The following CCDC88C variants were observed in gnomAD, a reference collection of about 807,000 sequenced individuals.
CCDC88C encodes coiled-coil and HOOK domain protein 88C.
A neutral mutation model predicts 198.8 loss-of-function variants in CCDC88C; 131 were observed. The ratio of observed to expected loss-of-function variants is 0.66; its 90% CI spans 0.57 to 0.76. The LOEUF is 0.76. CCDC88C is among the 30% of genes least tolerant of loss of function. The pLI, the probability that CCDC88C is intolerant of heterozygous loss-of-function variation, is 0.00. For synonymous variants in CCDC88C, 1,166 were observed against 1,114.7 expected, an observed-to-expected ratio of 1.05 and a Z score of -0.92; for missense variants, 2,553 against 2,631.6, an observed-to-expected ratio of 0.97 and a Z score of 0.65.
At position 91,381,833 on chromosome 14, in the gene CCDC88C, A is replaced by AAAC. The variant is rs10657581; in HGVS notation, c.271-22125_271-22123dup. ...AGCAAGACTCTGTCTCGAAAAACAA[A>AAAC]AACAACAAAAAACCGGCCCTTTCTT... On this transcript the variant is annotated intron_variant, in intron 3 of 29. Transcript: ENST00000389857. The surrounding 1 kb of genome is among the most constrained non-coding windows in gnomAD (Gnocchi z 4.2). Among the ~76,000 whole-genome samples the AAAC allele has an allele frequency of 0.71, 106,709 of 151,336 alleles. 38,101 individuals carry two copies. Among genetic ancestry groups the AAAC allele is most frequent in the Non-Finnish European group, 0.76 (51,686 of 67,798 alleles).
chr14:91,311,375 A>G (rs1891815689), intron 15 of CCDC88C, among the ~76,000 whole-genome samples: 1 of 152,216 alleles, frequency 6.6e-6, no homozygotes, highest in Non-Finnish European at 1.5e-5. Flanking sequence ...AGTGTTCACC[A>G]AACCCATTTC....
At chr14:91,279,583 A>G in intron 27 of CCDC88C, 1 of 309,760 alleles carries the variant, frequency 3.2e-6, no homozygotes, top group Non-Finnish European at 6.0e-6. Context: ...AACTTCACAA[A>G]GGAAATCTCA....
At chr14:91,411,975 AAAGG>A (rs1222529810) in intron 2 of CCDC88C, among the ~76,000 whole-genome samples, 1 of 151,908 alleles carries the variant, frequency 6.6e-6, no homozygotes, top group Non-Finnish European at 1.5e-5. Flanking sequence ...AAAAAAAAAA[AAAGG>A]AAGAAGAAAG....
intron 3 of CCDC88C, among the ~76,000 whole-genome samples, chr14:91,387,868 C>T (rs1885236741): frequency 6.6e-6 from 1 of 152,212 alleles, no homozygotes; most frequent in African/African-American, 2.4e-5. Context: ...TGGGCAGGAT[C>T]AGCAGTGCCC....
chr14:91,288,947 G>A lies in CCDC88C; in HGVS notation c.4441+158C>T. 1 of 602,682 alleles carries A rather than the reference G, an allele frequency of 1.7e-6. No individual in the cohort carries two copies. The highest frequency in any genetic ancestry group is 2.9e-6 in the Non-Finnish European group (1 of 340,524). The allele number at this position is 602,682 out of a possible 1,614,324, so 37.3% of individuals were successfully genotyped here. ...CATTATGGGACAAAACGGTCGCCAC[G>A]CTGAATTTCTACTTGGCTCGTAACA... On this transcript the variant is annotated intron_variant, in intron 25 of 29. Transcript: ENST00000389857. This position sits in a 1 kb window ranked among gnomAD's most constrained non-coding sequence, Gnocchi z 4.2.
intron 3 of CCDC88C, among the ~76,000 whole-genome samples, chr14:91,403,185 G>A (rs1367456532): frequency 6.6e-6 from 1 of 152,202 alleles, no homozygotes; most frequent in East Asian, 1.9e-4. Context: ...GGCGCATGAA[G>A]AAACAGCAAA....
chr14:91,354,174 C>T (rs1893936847), intron 4 of CCDC88C, among the ~76,000 whole-genome samples: 2 of 152,198 alleles, frequency 1.3e-5, no homozygotes, highest in East Asian at 1.9e-4. Flanking sequence ...CTGGAAACCA[C>T]TACTATACTT....
At chr14:91,394,848 G>C (rs1885743776) in intron 3 of CCDC88C, among the ~76,000 whole-genome samples, 1 of 152,180 alleles carries the variant, frequency 6.6e-6, no homozygotes. Flanking sequence ...GAATCAGAGC[G>C]CATTACTCCG....
chr14:91,293,444 C>G (rs1459936242), intron 23 of CCDC88C, among the ~76,000 whole-genome samples: 7 of 74,178 alleles, frequency 9.4e-5, no homozygotes, highest in African/African-American at 2.9e-4. Flanking sequence ...CCGTCCTCAC[C>G]TGCCACGGTC....
At chr14:91,377,703 A>G (rs1366885841) in intron 3 of CCDC88C, among the ~76,000 whole-genome samples, 1 of 152,224 alleles carries the variant, frequency 6.6e-6, no homozygotes, top group Non-Finnish European at 1.5e-5. Context: ...AGACCTTAAA[A>G]ATTGTGACTT....
chr14:91,308,303 A>C, intron 17 of CCDC88C, 48 bp downstream of exon 17: 1 of 1,607,296 alleles, frequency 6.2e-7, no homozygotes. Context: ...GGAAAGGGTG[A>C]GGCTGAGAAT....
chr14:91,394,516 T>C (rs376282728), intron 3 of CCDC88C, among the ~76,000 whole-genome samples: 1 of 152,370 alleles, frequency 6.6e-6, no homozygotes, highest in East Asian at 1.9e-4. Flanking sequence ...AGGCCTGGTG[T>C]GACACCGTGC....
rs746630640 is a variant in CCDC88C, at chr14:91,303,936, C to T, written c.3400G>A (p.Ala1134Thr). ...TLSSQSAALT[A>T]QYTLLQNHHT... ...TGGTTCTGCAGCAGCGTGTACTGCG[C>T]GGTGAGCGCTGCGCTCTGGGAACTC... Residue 1134 changes from alanine (A) to threonine (T), a missense_variant, in exon 20 of 30, where the codon GCG (alanine) becomes ACG (threonine). Physicochemically the swap from Ala to Thr is moderately conservative, Grantham distance 58 (BLOSUM62 0). This residue lies in a region of CCDC88C where 1,293 missense variants were observed against 1,219.6 expected (regional missense o/e 1.06). Coordinates refer to ENST00000389857, the MANE Select transcript of CCDC88C (RefSeq NM_001080414.4). 1.2e-6 allele frequency: 2 copies of T among 1,610,638 alleles called. No homozygotes were observed. The highest frequency in any genetic ancestry group is 1.1e-5 in the South Asian group (1 of 91,084).
intron 4 of CCDC88C, among the ~76,000 whole-genome samples, chr14:91,351,951 G>A (rs142006964): frequency 0.025 from 3,833 of 152,256 alleles, 78 homozygotes; most frequent in Non-Finnish European, 0.036. Context: ...AGCTGAGAGC[G>A]AATTCATTTC....
At chr14:91,340,568 G>T (rs1431439733) in intron 6 of CCDC88C, among the ~76,000 whole-genome samples, 1 of 152,100 alleles carries the variant, frequency 6.6e-6, no homozygotes, top group South Asian at 2.1e-4. Flanking sequence ...ACTGGCCAGG[G>T]AACGGAGATA....
Position 91,339,357 on chromosome 14 carries a change from G to C in CCDC88C, c.730C>G (p.Leu244Val), listed in dbSNP as rs1321759988. 6.2e-7 allele frequency: 1 copy of C among 1,613,808 alleles called. No individual in the cohort carries two copies. Among genetic ancestry groups the C allele is most frequent in the Admixed American group, 1.7e-5 (1 of 59,996 alleles). ...AGGTGCTGCTTGTCTTCGCTAGAGA[G>C]GCTGCTGGTGGGGCTGGGAGTGGAG... Reference protein sequence around the residue: ...ADSTPSPTSSLSSEDKQHLAV... With the variant: ...ADSTPSPTSSVSSEDKQHLAV... The change falls in exon 8 of 30, where the codon CTC (leucine) becomes GTC (valine). Residue 244 changes from leucine (L) to valine (V), a missense_variant. Physicochemically the swap from Leu to Val is conservative, Grantham distance 32. Around this residue, in one of 2 missense-constraint regions of CCDC88C, gnomAD observed 1,260 missense variants for 1,412.0 expected, o/e 0.89. Transcript: ENST00000389857. The surrounding 1 kb of genome is among the most constrained non-coding windows in gnomAD (Gnocchi z 5.8).
chr14:91,379,545 C>A, intron 3 of CCDC88C: 1 of 496,780 alleles, frequency 2.0e-6, no homozygotes, highest in Non-Finnish European at 3.6e-6. Flanking sequence ...CGGTGTTTCT[C>A]ACTCCATGTT....
chr14:91,276,199 C>G (rs191383058), intron 29 of CCDC88C, among the ~76,000 whole-genome samples: 1 of 152,226 alleles, frequency 6.6e-6, no homozygotes, highest in Non-Finnish European at 1.5e-5. Context: ...AAATTCTCAG[C>G]GAGCCCAACC....
intron 29 of CCDC88C, among the ~76,000 whole-genome samples, chr14:91,275,731 G>A (rs557102290): frequency 9.3e-5 from 14 of 150,968 alleles, no homozygotes; most frequent in Middle Eastern, 3.4e-3. Flanking sequence ...GGTCTCGAAC[G>A]CCTGACCTCA....
Sources: gnomAD v4.1 joint callset for allele counts (sites outside exome capture counted in the v4.1 genomes callset) on GRCh38, gnomAD v4.1.1 for gene constraint, gnomAD v4.1.1 regional missense constraint, Gnocchi (gnomAD v3.1) non-coding constraint, MANE v1.5 for transcripts, NCBI Gene and HGNC (gene_info 2026-07-23, HGNC 2026-07-21) for gene names.